Variants in STK32B observed in about 807,000 individuals in gnomAD.
The protein encoded by STK32B is serine/threonine kinase 32B, also known as serine/threonine-protein kinase 32B.
Under a neutral mutation model 52.6 loss-of-function variants are expected in STK32B, and 43 were observed. The observed-to-expected ratio is 0.82, with a 90% CI of 0.64 to 1.05. STK32B has a LOEUF of 1.05. Ranked by LOEUF, STK32B falls within the 50% of genes least tolerant of loss-of-function variation. The pLI is 0.00. For missense variants in STK32B, 621 were observed against 534.6 expected (o/e 1.16, Z -1.59); for synonymous variants, 238 against 204.3 (o/e 1.17, Z -1.41).
chr4:5,189,857 T>G (rs1292360788), intron 3 of STK32B, among the ~76,000 whole-genome samples: 2 of 152,188 alleles, frequency 1.3e-5, no homozygotes, highest in Non-Finnish European at 2.9e-5. Context: ...TTCACTCCAG[T>G]AGGCGTGTAG....
chr4:5,064,068 G>A (rs1742317154), intron 1 of STK32B, among the ~76,000 whole-genome samples: 1 of 151,670 alleles, frequency 6.6e-6, no homozygotes. Flanking sequence ...GTTATGTGCT[G>A]CAAATATTTT....
At chr4:5,238,404 T>A (rs1187040774) in intron 3 of STK32B, among the ~76,000 whole-genome samples, 1 of 152,058 alleles carries the variant, frequency 6.6e-6, no homozygotes, top group Non-Finnish European at 1.5e-5. Flanking sequence ...TAAGGACACA[T>A]CTTAGAATCA....
chr4:5,189,312 A>G (rs1720999164), intron 3 of STK32B, among the ~76,000 whole-genome samples: 1 of 152,154 alleles, frequency 6.6e-6, no homozygotes. Flanking sequence ...CCACTGATTC[A>G]TCCCTCGTTC....
At chr4:5,087,119 A>G (rs1458700395) in intron 1 of STK32B, among the ~76,000 whole-genome samples, 1 of 152,194 alleles carries the variant, frequency 6.6e-6, no homozygotes, top group Non-Finnish European at 1.5e-5. Flanking sequence ...AAATCTATAT[A>G]GATAGGCACA....
At chr4:5,265,306 C>T (rs1726989139) in intron 3 of STK32B, among the ~76,000 whole-genome samples, 1 of 152,230 alleles carries the variant, frequency 6.6e-6, no homozygotes, top group African/African-American at 2.4e-5. Context: ...GAAGGTTGCT[C>T]CTTGGAAAGC....
chr4:5,127,953 A>G (rs933599930), intron 1 of STK32B, among the ~76,000 whole-genome samples: 1 of 152,196 alleles, frequency 6.6e-6, no homozygotes, highest in Non-Finnish European at 1.5e-5. Context: ...GTTACCATAT[A>G]AGATGTGACT....
Position 5,116,858 on chromosome 4 carries a change from C to T in STK32B, c.53-23047C>T, listed in dbSNP as rs145007725. On this transcript the variant is annotated intron_variant, in intron 1 of 11. Coordinates refer to ENST00000282908, the MANE Select transcript of STK32B (RefSeq NM_018401.3). ...CAGTTCTCAGTGTACAAATGTTTCA[C>T]TTCTTTTGTTAAATCTATTCCGAAG... Among the ~76,000 whole-genome samples, 211 of 152,210 alleles carry T rather than the reference C, an allele frequency of 1.4e-3. 2 individuals carry two copies. Among genetic ancestry groups the T allele is most frequent in the African/African-American group, 4.9e-3 (202 of 41,542 alleles).
intron 3 of STK32B, among the ~76,000 whole-genome samples, chr4:5,205,585 C>A (rs751113690): frequency 2.0e-5 from 3 of 152,092 alleles, no homozygotes; most frequent in Admixed American, 6.6e-5. Context: ...GTGGCAGATA[C>A]GGTTTTCCAT....
chr4:5,140,049 C>A (rs976797448), intron 2 of STK32B, 89 bp downstream of exon 2: 1 of 1,540,560 alleles, frequency 6.5e-7, no homozygotes, highest in Non-Finnish European at 9.0e-7. Context: ...TGGGAATGTT[C>A]TGTTTGACAG....
At chr4:5,023,019 G>A in the STK32B span, among the ~76,000 whole-genome samples, 20 of 151,202 alleles carry the variant, frequency 1.3e-4, no homozygotes, top group African/African-American at 4.1e-4. Flanking sequence ...GTGTGTGTGT[G>A]TATATGTGTG....
intron 4 of STK32B, among the ~76,000 whole-genome samples, chr4:5,361,457 G>A (rs181485092): frequency 6.6e-6 from 1 of 152,100 alleles, no homozygotes; most frequent in East Asian, 1.9e-4. Flanking sequence ...CTGCAGCCTC[G>A]ACCTCCCAGT....
intron 3 of STK32B, among the ~76,000 whole-genome samples, chr4:5,269,494 T>C (rs1337433755): frequency 6.6e-6 from 1 of 152,154 alleles, no homozygotes; most frequent in Non-Finnish European, 1.5e-5. Flanking sequence ...TTGGCATGCA[T>C]AGAAGCAAGG....
At chr4:5,295,581 C>T (rs578053156) in intron 3 of STK32B, among the ~76,000 whole-genome samples, 2 of 152,212 alleles carry the variant, frequency 1.3e-5, no homozygotes, top group African/African-American at 4.8e-5. Flanking sequence ...ATAGTATTCT[C>T]TGATGGTAGT....
At position 5,400,926 on chromosome 4, in the gene STK32B, G is replaced by A. The variant is rs1012009221; in HGVS notation, c.472+2682G>A. Among the ~76,000 whole-genome samples the A allele has an allele frequency of 6.7e-6, 1 of 150,160 alleles. No individual in the cohort carries two copies. The highest frequency in any genetic ancestry group is 2.5e-5 in the African/African-American group (1 of 40,108). On this transcript the variant is annotated intron_variant, in intron 5 of 11. Transcript: ENST00000282908. This position sits in a 1 kb window ranked among gnomAD's most constrained non-coding sequence, Gnocchi z 6.1. ...ATGGTGTTGGGGAGAGTGTGGGGAA[G>A]CTCAGGAGAGGTCGGGCAGAGGGGA... is the stretch of plus-strand genomic sequence containing the variant.
At position 5,499,135 on chromosome 4, in the gene STK32B, C is replaced by T. The variant is rs1720541043; in HGVS notation, c.*52C>T. ...ACTGCACTCGTCTCTGCCCTGCCCA[C>T]CCAGAGCCCCTCTTTGTGCCCTGAT... On this transcript the variant is annotated 3_prime_UTR_variant, in exon 12 of 12. Coordinates refer to ENST00000282908, the MANE Select transcript of STK32B (RefSeq NM_018401.3). 6.5e-7 allele frequency: 1 copy of T among 1,535,922 alleles called. No individual in the cohort carries two copies. The highest frequency in any genetic ancestry group is 1.4e-5 in the African/African-American group (1 of 72,726).
chr4:5,194,793 G>A (rs1313337403), intron 3 of STK32B, among the ~76,000 whole-genome samples: 2 of 152,184 alleles, frequency 1.3e-5, no homozygotes, highest in Non-Finnish European at 2.9e-5. Context: ...ATGGTAGAAG[G>A]CAAAGCGTTA....
chr4:5,439,687 G>A, intron 6 of STK32B, among the ~76,000 whole-genome samples: 1 of 152,202 alleles, frequency 6.6e-6, no homozygotes, highest in Non-Finnish European at 1.5e-5. Flanking sequence ...CCTTGCCTAT[G>A]TCCTGAATGG....
chr4:5,260,443 G>C (rs567130170), intron 3 of STK32B, among the ~76,000 whole-genome samples: 4 of 152,102 alleles, frequency 2.6e-5, no homozygotes, highest in Admixed American at 2.0e-4. Flanking sequence ...ATCAGTGCTC[G>C]CAGAGACACA....
chr4:5,062,824 G>C (rs1228603804), intron 1 of STK32B, among the ~76,000 whole-genome samples: 2 of 152,070 alleles, frequency 1.3e-5, no homozygotes, highest in East Asian at 3.9e-4. Context: ...TATTGTTTTT[G>C]AAATTTATAA....
Sources: gnomAD v4.1 joint callset for allele counts (sites outside exome capture counted in the v4.1 genomes callset) on GRCh38, gnomAD v4.1.1 for gene constraint, Gnocchi (gnomAD v3.1) non-coding constraint, MANE v1.5 for transcripts, NCBI Gene and HGNC (gene_info 2026-07-23, HGNC 2026-07-21) for gene names.